Variants in EXOC2 observed in about 807,000 individuals in gnomAD.
EXOC2 encodes the protein SEC5-like 1.
Under a neutral mutation model 131.8 loss-of-function variants are expected in EXOC2, and 70 were observed. That is an observed-to-expected ratio of 0.53 (90% CI 0.44 to 0.65). EXOC2 has a LOEUF of 0.65. EXOC2 is among the 30% of genes least tolerant of loss of function. EXOC2 has a pLI of 0.00. For synonymous variants in EXOC2, 411 were observed against 398.4 expected (o/e 1.03, Z -0.38); for missense variants, 923 against 1,108.6 (o/e 0.83, Z 2.38).
At chr6:573,165 A>T (rs1451774734) in intron 12 of EXOC2, among the ~76,000 whole-genome samples, 2 of 152,244 alleles carry the variant, frequency 1.3e-5, no homozygotes, top group African/African-American at 4.8e-5. Context: ...CATACTAAAT[A>T]ACCCCACCTA....
intron 1 of EXOC2, chr6:655,850 G>GA (rs34180036): frequency 0.012 from 3,671 of 306,646 alleles, 35 homozygotes; most frequent in Non-Finnish European, 0.016. Flanking sequence ...TTTCCCCCCC[G>GA]AAAAAAAGAG....
At chr6:578,371 C>T (rs1200199552) in intron 11 of EXOC2, among the ~76,000 whole-genome samples, 2 of 152,140 alleles carry the variant, frequency 1.3e-5, no homozygotes, top group Non-Finnish European at 1.5e-5. Flanking sequence ...ATCTAAGGCC[C>T]TGCTCTCAAG....
At chr6:574,453 G>A (rs2493050) in intron 12 of EXOC2, among the ~76,000 whole-genome samples, 3,817 of 152,254 alleles carry the variant, frequency 0.025, 114 homozygotes, top group African/African-American at 0.071. Context: ...AGTGTTATGC[G>A]ACCTTTCTTC....
chr6:550,377 C>A (rs990400614), intron 21 of EXOC2, among the ~76,000 whole-genome samples: 1 of 152,192 alleles, frequency 6.6e-6, no homozygotes, highest in Non-Finnish European at 1.5e-5. Context: ...TTTCATTCAG[C>A]TCAGCAGTTT....
intron 10 of EXOC2, among the ~76,000 whole-genome samples, chr6:594,697 T>TA (rs1759718553): frequency 6.6e-6 from 1 of 152,188 alleles, no homozygotes; most frequent in South Asian, 2.1e-4. Flanking sequence ...ATCATCTTAT[T>TA]AACGGGTATT....
chr6:531,415 G>GTGCACAGAAAAGTGTA (rs1411701609), intron 23 of EXOC2, among the ~76,000 whole-genome samples: 1 of 152,262 alleles, frequency 6.6e-6, no homozygotes, highest in Non-Finnish European at 1.5e-5. Flanking sequence ...AGAAAAGTGT[G>GTGCACAGAAAAGTGTA]TGCACAGAAA....
chr6:588,316 A>T (rs980272086), intron 11 of EXOC2, among the ~76,000 whole-genome samples: 1 of 152,226 alleles, frequency 6.6e-6, no homozygotes, highest in African/African-American at 2.4e-5. Flanking sequence ...TGTCATTAAA[A>T]CTGTAAAGTT....
chr6:691,620 G>T (rs1764929119), intron 1 of EXOC2, among the ~76,000 whole-genome samples: 2 of 152,148 alleles, frequency 1.3e-5, no homozygotes, highest in Non-Finnish European at 2.9e-5. Context: ...TATCAGTAAG[G>T]CTTCTGGTCA....
intron 10 of EXOC2, 89 bp downstream of exon 10, chr6:597,932 A>G: frequency 1.1e-6 from 1 of 870,462 alleles, no homozygotes; most frequent in Non-Finnish European, 1.8e-6. Flanking sequence ...AATCTCCTAA[A>G]GTCCCTCAAG....
At chr6:658,266 A>G (rs1022459098) in intron 1 of EXOC2, among the ~76,000 whole-genome samples, 2 of 152,142 alleles carry the variant, frequency 1.3e-5, no homozygotes, top group Non-Finnish European at 2.9e-5. Flanking sequence ...TTGAACCTGT[A>G]CCAGTGATTT....
At chr6:640,420 GA>G (rs1333925642) in intron 1 of EXOC2, among the ~76,000 whole-genome samples, 1 of 152,096 alleles carries the variant, frequency 6.6e-6, no homozygotes, top group Non-Finnish European at 1.5e-5. Flanking sequence ...AGACAAACAA[GA>G]AAAAAACACA....
chr6:657,647 A>G (rs1476416600), intron 1 of EXOC2, among the ~76,000 whole-genome samples: 1 of 152,166 alleles, frequency 6.6e-6, no homozygotes, highest in Admixed American at 6.5e-5. Context: ...CAATGAATGC[A>G]CTTTTAAAAT....
chr6:654,803 C>CAAAAAAAAAAAAAAAA (rs66637987), intron 1 of EXOC2, among the ~76,000 whole-genome samples: 5 of 29,574 alleles, frequency 1.7e-4, no homozygotes, highest in Non-Finnish European at 2.8e-4. Context: ...GACCCTGTCT[C>CAAAAAAAAAAAAAAAA]AAAAAAAAAA....
intron 1 of EXOC2, among the ~76,000 whole-genome samples, chr6:676,241 TGCG>T (rs1562003379): frequency 1.1e-4 from 14 of 124,122 alleles, no homozygotes; most frequent in East Asian, 3.0e-4. Flanking sequence ...CTCTGGAGAC[TGCG>T]GTTCCCCATA....
Position 598,094 on chromosome 6 carries a change from C to A in EXOC2, c.1000G>T (p.Ala334Ser). Reference protein sequence around the residue: ...YYAEVETRIEALRELLLDKLL... With the variant: ...YYAEVETRIESLRELLLDKLL... The stretch of plus-strand genomic sequence containing the variant: ...TTATCCAGAAGTAATTCTCTTAAAG[C>A]TTCAATCCTTGTTTCTACTTCAGCA... The change falls in exon 10 of 28, where the codon GCT becomes TCT. Residue 334 changes from alanine to serine, a missense_variant. By Grantham distance (99) the Ala-to-Ser change is moderately conservative (BLOSUM62 1). Transcript: ENST00000230449. 1 of 1,613,244 alleles carries A rather than the reference C, an allele frequency of 6.2e-7. No individual in the cohort carries two copies. The highest frequency in any genetic ancestry group is 8.5e-7 in the Non-Finnish European group (1 of 1,179,440).
intron 16 of EXOC2, among the ~76,000 whole-genome samples, chr6:563,382 C>T (rs1757801307): frequency 6.6e-6 from 1 of 152,308 alleles, no homozygotes; most frequent in African/African-American, 2.4e-5. Flanking sequence ...ACCTGGGTTC[C>T]ATTCCCTTCC....
intron 4 of EXOC2, among the ~76,000 whole-genome samples, chr6:621,909 A>T (rs1274534615): frequency 6.6e-6 from 1 of 152,050 alleles, no homozygotes; most frequent in African/African-American, 2.4e-5. Context: ...ATTTATCTGC[A>T]CCCCATGCCT....
intron 17 of EXOC2, among the ~76,000 whole-genome samples, chr6:562,186 C>T (rs538978062): frequency 3.3e-5 from 5 of 152,358 alleles, no homozygotes; most frequent in Admixed American, 1.3e-4. Flanking sequence ...AAGTCCCCCC[C>T]TGGTGAAAGC....
intron 1 of EXOC2, among the ~76,000 whole-genome samples, chr6:672,931 G>A (rs143161662): frequency 4.6e-5 from 7 of 152,188 alleles, no homozygotes; most frequent in East Asian, 3.9e-4. Flanking sequence ...TGATCTAAAC[G>A]ATAAGGTAAA....
Sources: allele counts gnomAD v4.1 joint callset (sites outside exome capture counted in the v4.1 genomes callset), GRCh38; gene constraint gnomAD v4.1.1; transcripts MANE v1.5; gene names NCBI Gene and HGNC (gene_info 2026-07-23, HGNC 2026-07-21).